CTNNA1: variants seen among roughly 807,000 people sequenced by gnomAD.
CTNNA1 encodes catenin alpha-1.
CTNNA1 carries 37 observed loss-of-function variants against 98.4 expected under a neutral mutation model. The observed-to-expected ratio is 0.38, with a 90% CI of 0.29 to 0.49. The LOEUF is 0.49. Among genes scored for constraint, CTNNA1 ranks in the 20% least tolerant of loss-of-function variants. The pLI is 0.95. For synonymous variants in CTNNA1, 404 were observed against 413.2 expected, an observed-to-expected ratio of 0.98 and a Z score of 0.27; for missense variants, 761 against 1,147.2, an observed-to-expected ratio of 0.66 and a Z score of 4.86.
chr5:138,761,956 G>C (rs923056864), intron 1 of CTNNA1: 1 of 152,106 alleles, frequency 6.6e-6, no homozygotes, highest in Non-Finnish European at 1.5e-5. Flanking sequence ...GAGTTTCACC[G>C]TGTTTCCCAG....
intron 7 of CTNNA1, among the ~76,000 whole-genome samples, chr5:138,860,546 A>G (rs1674809673): frequency 6.6e-6 from 1 of 151,846 alleles, no homozygotes; most frequent in South Asian, 2.1e-4. Flanking sequence ...CTATCTCTGG[A>G]GTGCAATGAC....
At chr5:138,846,116 G>T (rs893484473) in intron 7 of CTNNA1, among the ~76,000 whole-genome samples, 12 of 152,030 alleles carry the variant, frequency 7.9e-5, no homozygotes, top group Admixed American at 3.3e-4. Flanking sequence ...TAGAGACAGG[G>T]TCTAATTTTC....
chr5:138,876,971 G>A (rs1751707831), intron 7 of CTNNA1, among the ~76,000 whole-genome samples: 1 of 152,322 alleles, frequency 6.6e-6, no homozygotes, highest in Non-Finnish European at 1.5e-5. Flanking sequence ...GAGAGTCTTC[G>A]TACCACAGGG....
intron 6 of CTNNA1, among the ~76,000 whole-genome samples, chr5:138,825,498 T>TTTTTTTTTTTTTTTTTTG: frequency 9.6e-6 from 1 of 104,008 alleles, no homozygotes; most frequent in African/African-American, 3.7e-5. Flanking sequence ...TTTTTTTTTT[T>TTTTTTTTTTTTTTTTTTG]AGGGCTTTAA....
intron 7 of CTNNA1, chr5:138,869,400 G>C (rs1765130199): frequency 6.7e-6 from 1 of 149,682 alleles, no homozygotes; most frequent in South Asian, 2.1e-4. Flanking sequence ...CCTGGCTCAA[G>C]GGCTTTAGTC....
intron 9 of CTNNA1, among the ~76,000 whole-genome samples, chr5:138,892,328 GTTTTTTTTTTTTT>G (rs70982738): frequency 2.7e-4 from 21 of 79,240 alleles, no homozygotes; most frequent in East Asian, 1.3e-3. Flanking sequence ...AAATAGCTTA[GTTTTTTTTTTTTT>G]TTTTTTTTTT....
intron 9 of CTNNA1, among the ~76,000 whole-genome samples, chr5:138,892,362 CAG>C (rs1755626239): frequency 1.1e-5 from 1 of 89,268 alleles, no homozygotes; most frequent in Non-Finnish European, 1.9e-5. Context: ...TTTTTTGAGA[CAG>C]AGTCTTGCTC....
At chr5:138,853,096 T>G (rs1196908924) in intron 7 of CTNNA1, among the ~76,000 whole-genome samples, 3 of 152,166 alleles carry the variant, frequency 2.0e-5, no homozygotes, top group Admixed American at 6.5e-5. Flanking sequence ...CAGTAGGCAT[T>G]ATTTGTTTTA....
chr5:138,932,877 G>C (rs756712932), intron 17 of CTNNA1, 165 bp downstream of exon 17: 9 of 909,762 alleles, frequency 9.9e-6, no homozygotes, highest in South Asian at 3.9e-5. Flanking sequence ...TCCATCATCT[G>C]TTCCCTGTAG....
chr5:138,830,207 A>G (rs1426403083), intron 7 of CTNNA1, among the ~76,000 whole-genome samples: 3 of 149,956 alleles, frequency 2.0e-5, no homozygotes, highest in Non-Finnish European at 4.4e-5. Flanking sequence ...CAAAAAACAG[A>G]AAAATTAGCC....
chr5:138,902,120 TG>T (rs1758171847), intron 9 of CTNNA1, among the ~76,000 whole-genome samples: 1 of 152,212 alleles, frequency 6.6e-6, no homozygotes, highest in Non-Finnish European at 1.5e-5. Context: ...CCATAACCTT[TG>T]TTTTGTTAGT....
At chr5:138,881,393 C>G (rs1021517173) in intron 7 of CTNNA1, among the ~76,000 whole-genome samples, 1 of 152,188 alleles carries the variant, frequency 6.6e-6, no homozygotes, top group East Asian at 1.9e-4. Context: ...GTAGAACAAC[C>G]AAGGTCAAAT....
At chr5:138,862,336 G>A (rs911105546) in intron 7 of CTNNA1, among the ~76,000 whole-genome samples, 31 of 152,176 alleles carry the variant, frequency 2.0e-4, no homozygotes, top group African/African-American at 7.5e-4. Flanking sequence ...AGATGTGATA[G>A]ACTTAAAGTA....
At chr5:138,843,244 T>G (rs569304617) in intron 7 of CTNNA1, among the ~76,000 whole-genome samples, 31 of 152,274 alleles carry the variant, frequency 2.0e-4, no homozygotes, top group Non-Finnish European at 4.0e-4. Context: ...ATTTTTAAAG[T>G]TTGGTAATGG....
At chr5:138,758,067 C>T (rs1483962261) in intron 1 of CTNNA1, among the ~76,000 whole-genome samples, 1 of 151,508 alleles carries the variant, frequency 6.6e-6, no homozygotes, top group African/African-American at 2.4e-5. Context: ...AGTGCAATGG[C>T]GTGATGTCGG....
Position 138,874,324 on chromosome 5 carries a change from A to G in CTNNA1, c.1063-11888A>G, listed in dbSNP as rs1751034647. 3.7e-6 allele frequency: 6 copies of G among 1,614,052 alleles called. No individual in the cohort carries two copies. The highest frequency in any genetic ancestry group is 3.4e-6 in the Non-Finnish European group (4 of 1,179,896). On this transcript the variant is annotated intron_variant, in intron 7 of 17. Transcript: ENST00000302763. The surrounding 1 kb of genome is among the most constrained non-coding windows in gnomAD (Gnocchi z 4.1). The stretch of plus-strand genomic sequence containing the variant: ...TAAGTTGACTGAAGCTGGCAAATTG[A>G]TCTCTTTCGAGCTCTGTGATGTGAT...
chr5:138,771,531 G>A (rs1753552671), intron 1 of CTNNA1, among the ~76,000 whole-genome samples: 1 of 151,920 alleles, frequency 6.6e-6, no homozygotes, highest in Non-Finnish European at 1.5e-5. Context: ...GCACCTCCAT[G>A]CCCAGCTAAT....
chr5:138,839,125 A>G (rs570438172), intron 7 of CTNNA1, among the ~76,000 whole-genome samples: 5 of 151,998 alleles, frequency 3.3e-5, no homozygotes, highest in African/African-American at 7.2e-5. Flanking sequence ...CATGATTTCA[A>G]TTTTTTTTAA....
chr5:138,871,513 A>G (rs965209381), intron 7 of CTNNA1: 2 of 152,172 alleles, frequency 1.3e-5, no homozygotes, highest in African/African-American at 4.8e-5. Context: ...TTTGTTAACT[A>G]TGGCATGTTT....
Sources: gnomAD v4.1 joint callset for allele counts (sites outside exome capture counted in the v4.1 genomes callset) on GRCh38, gnomAD v4.1.1 for gene constraint, Gnocchi (gnomAD v3.1) non-coding constraint, MANE v1.5 for transcripts, NCBI Gene and HGNC (gene_info 2026-07-23, HGNC 2026-07-21) for gene names.